SLC9A9: variants seen among roughly 807,000 people sequenced by gnomAD.
The protein encoded by SLC9A9 is sodium/hydrogen exchanger 9.
In SLC9A9, 62 loss-of-function variants were observed where a neutral mutation model predicts 77.8. The ratio of observed to expected loss-of-function variants is 0.80; its 90% CI spans 0.65 to 0.98. SLC9A9 has a LOEUF of 0.98. Among genes scored for constraint, SLC9A9 ranks in the 50% least tolerant of loss-of-function variants. SLC9A9 has a pLI of 0.00. For missense variants in SLC9A9, 775 were observed against 774.9 expected, an observed-to-expected ratio of 1.00 and a Z score of 0.00; for synonymous variants, 320 against 283.5, an observed-to-expected ratio of 1.13 and a Z score of -1.29.
chr3:143,312,868 G>A (rs1023508405), intron 14 of SLC9A9, among the ~76,000 whole-genome samples: 3 of 152,124 alleles, frequency 2.0e-5, no homozygotes, highest in Non-Finnish European at 2.9e-5. Context: ...GCTTTACGTC[G>A]CCAATGTAAA....
chr3:143,517,083 T>C, intron 9 of SLC9A9: 1 of 1,302,340 alleles, frequency 7.7e-7, no homozygotes, highest in Non-Finnish European at 1.1e-6. Context: ...ACTTTTTTTT[T>C]TTTCCTTCAG....
intron 14 of SLC9A9, among the ~76,000 whole-genome samples, chr3:143,315,560 A>T (rs1355438848): frequency 6.6e-6 from 1 of 152,178 alleles, no homozygotes; most frequent in Non-Finnish European, 1.5e-5. Flanking sequence ...TACCCTCCCA[A>T]CAAGAACTGG....
In SLC9A9 at chr3:143,488,769, A is replaced by G. The variant is rs1447625029; in HGVS notation, c.1315+4884T>C. Among the ~76,000 whole-genome samples, 3 of 152,032 alleles carry G rather than the reference A, an allele frequency of 2.0e-5. No individual in the cohort carries two copies. In the East Asian group the frequency reaches 5.8e-4, roughly 29 times the overall value. On this transcript the variant is annotated intron_variant, in intron 11 of 15. Transcript: ENST00000316549. ...TAACATAATAAAAGCTGTATATAAA[A>G]TAAAAGCAAATATCATACTCAATGG...
intron 4 of SLC9A9, among the ~76,000 whole-genome samples, chr3:143,739,156 C>T (rs1387449242): frequency 1.3e-5 from 2 of 152,060 alleles, no homozygotes; most frequent in South Asian, 2.1e-4. Context: ...CAGTCCCCAC[C>T]CTGCAGCTCT....
intron 13 of SLC9A9, among the ~76,000 whole-genome samples, chr3:143,365,598 T>G (rs2032877955): frequency 6.6e-6 from 1 of 152,148 alleles, no homozygotes; most frequent in Non-Finnish European, 1.5e-5. Flanking sequence ...GTTCCACAGG[T>G]CTCTGTTTTC....
At chr3:143,323,667 AG>A (rs1276255579) in intron 14 of SLC9A9, among the ~76,000 whole-genome samples, 1 of 152,220 alleles carries the variant, frequency 6.6e-6, no homozygotes, top group Non-Finnish European at 1.5e-5. Flanking sequence ...ATAGCAGAGT[AG>A]GGTGACTATA....
chr3:143,317,997 G>C (rs867532292), intron 14 of SLC9A9, among the ~76,000 whole-genome samples: 34 of 152,176 alleles, frequency 2.2e-4, no homozygotes, highest in African/African-American at 6.0e-4. Flanking sequence ...AAAGTGCTGG[G>C]ATTACAGGCC....
intron 8 of SLC9A9, among the ~76,000 whole-genome samples, chr3:143,558,722 G>A (rs2037030063): frequency 6.6e-6 from 1 of 152,148 alleles, no homozygotes; most frequent in African/African-American, 2.4e-5. Context: ...AGGCTCATAG[G>A]CAGAAGGGAC....
intron 2 of SLC9A9, among the ~76,000 whole-genome samples, chr3:143,827,681 G>A (rs1248870913): frequency 2.6e-5 from 4 of 152,112 alleles, no homozygotes; most frequent in Non-Finnish European, 5.9e-5. Context: ...TCTTCTAAGA[G>A]GCCATTACAT....
chr3:143,717,348 C>T (rs1174179056), intron 4 of SLC9A9, among the ~76,000 whole-genome samples: 1 of 152,202 alleles, frequency 6.6e-6, no homozygotes, highest in African/African-American at 2.4e-5. Flanking sequence ...TAATGAATGG[C>T]TCTGACTATG....
At chr3:143,611,591 A>C (rs2038022888) in intron 6 of SLC9A9, among the ~76,000 whole-genome samples, 1 of 152,256 alleles carries the variant, frequency 6.6e-6, no homozygotes, top group Admixed American at 6.5e-5. Flanking sequence ...AACAGCACTG[A>C]AAACTAGAAG....
rs73867640 is a variant in SLC9A9, at chr3:143,445,959, C to T, written c.1469+21078G>A. On this transcript the variant is annotated intron_variant, in intron 12 of 15. Coordinates refer to ENST00000316549, the MANE Select transcript of SLC9A9 (RefSeq NM_173653.4). ...TAGAATGATGGGGCTACAGACTGCT[C>T]AGAGTAAGTTTAAGAAAGAGTGAGA... Among the ~76,000 whole-genome samples, 802 of 152,094 alleles carry T rather than the reference C, an allele frequency of 5.3e-3. 7 individuals carry two copies. The highest frequency in any genetic ancestry group is 0.018 in the African/African-American group (765 of 41,504).
intron 12 of SLC9A9, among the ~76,000 whole-genome samples, chr3:143,409,258 G>A (rs2034046842): frequency 6.6e-6 from 1 of 152,160 alleles, no homozygotes; most frequent in African/African-American, 2.4e-5. Flanking sequence ...AATATGGCAA[G>A]CACAAAAATA....
intron 9 of SLC9A9, among the ~76,000 whole-genome samples, chr3:143,536,238 G>A (rs2036586976): frequency 6.6e-6 from 1 of 152,184 alleles, no homozygotes; most frequent in Non-Finnish European, 1.5e-5. Context: ...GCTGGGTGAG[G>A]TGGGTAAAGA....
chr3:143,430,534 G>A (rs138775430), intron 12 of SLC9A9, among the ~76,000 whole-genome samples: 207 of 152,296 alleles, frequency 1.4e-3, no homozygotes, highest in African/African-American at 4.7e-3. Context: ...TAGTCTACCT[G>A]GGGCCCTGTG....
At chr3:143,523,031 G>C (rs1366390154) in intron 9 of SLC9A9, among the ~76,000 whole-genome samples, 3 of 151,904 alleles carry the variant, frequency 2.0e-5, no homozygotes, top group Admixed American at 2.0e-4. Flanking sequence ...TTTTCATATG[G>C]GGACTATATA....
intron 1 of SLC9A9, chr3:143,847,913 T>A (rs2009863064): frequency 1.7e-6 from 1 of 571,624 alleles, no homozygotes; most frequent in East Asian, 3.0e-5. Flanking sequence ...TCAACAGACT[T>A]GCATTATGTG....
At chr3:143,420,746 A>C (rs1193204162) in intron 12 of SLC9A9, among the ~76,000 whole-genome samples, 1 of 152,210 alleles carries the variant, frequency 6.6e-6, no homozygotes, top group East Asian at 1.9e-4. Context: ...TGGTGGTAGC[A>C]TTATTCACAT....
chr3:143,272,317 C>T (rs748549902), intron 14 of SLC9A9, among the ~76,000 whole-genome samples: 6 of 152,164 alleles, frequency 3.9e-5, no homozygotes, highest in Non-Finnish European at 5.9e-5. Flanking sequence ...TCCCTTTTCT[C>T]GAAACTGTGG....
Sources: allele counts gnomAD v4.1 joint callset (sites outside exome capture counted in the v4.1 genomes callset), GRCh38; gene constraint gnomAD v4.1.1; transcripts MANE v1.5; gene names NCBI Gene and HGNC (gene_info 2026-07-23, HGNC 2026-07-21).